Variants in SLC9C1 observed in about 807,000 individuals in gnomAD.
SLC9C1 encodes sodium/hydrogen exchanger 10.
SLC9C1 carries 97 observed loss-of-function variants against 140.9 expected under a neutral mutation model. That is an observed-to-expected ratio of 0.69 (90% CI 0.58 to 0.82). The LOEUF (loss-of-function observed/expected upper bound fraction) is 0.82, where lower values mean the gene tolerates loss of function less well. Ranked by LOEUF, SLC9C1 falls within the 40% of genes least tolerant of loss-of-function variation. SLC9C1 has a pLI of 0.00. For synonymous variants in SLC9C1, 440 were observed against 442.6 expected (o/e 0.99, Z 0.07); for missense variants, 1,340 against 1,389.3 (o/e 0.96, Z 0.56).
At chr3:112,151,770 C>T in intron 28 of SLC9C1, 87 bp downstream of exon 28, 1 of 941,518 alleles carries the variant, frequency 1.1e-6, no homozygotes, top group East Asian at 2.4e-5. Context: ...CACACTATCA[C>T]ATAAAGGGCA....
intron 13 of SLC9C1, among the ~76,000 whole-genome samples, chr3:112,221,970 A>C (rs959405774): frequency 6.6e-6 from 1 of 152,184 alleles, no homozygotes; most frequent in East Asian, 1.9e-4. Context: ...TTCTCTCTGC[A>C]TGATCAGTTT....
intron 12 of SLC9C1, among the ~76,000 whole-genome samples, chr3:112,239,332 A>T (rs1202144538): frequency 6.6e-6 from 1 of 152,178 alleles, no homozygotes; most frequent in Non-Finnish European, 1.5e-5. Flanking sequence ...GGAGTGACCC[A>T]ATTTTCGAGG....
In SLC9C1 at chr3:112,167,476, C is replaced by T. The variant is rs2077161500; in HGVS notation, c.3238-129G>A. 8.0e-6 allele frequency: 7 copies of T among 873,388 alleles called. No homozygotes were observed. The East Asian group carries it at 1.8e-4, about 22-fold the overall frequency. The allele number at this position is 873,388 out of a possible 1,614,324, so 54.1% of individuals were successfully genotyped here. On this transcript the variant is annotated intron_variant, in intron 25 of 28. Transcript: ENST00000305815. Reference sequence around the variant, plus strand: ...AATGGAAAATATTAACAAATCAACACAAATAAGATTAATATCTTAAAATAC... The same window carrying T: ...AATGGAAAATATTAACAAATCAACATAAATAAGATTAATATCTTAAAATAC...
intron 2 of SLC9C1, among the ~76,000 whole-genome samples, chr3:112,286,321 T>C (rs2080506863): frequency 6.6e-6 from 1 of 152,222 alleles, no homozygotes; most frequent in Non-Finnish European, 1.5e-5. Context: ...TTTTTGTTTA[T>C]ACCATGTTCT....
At chr3:112,279,029 C>A in intron 3 of SLC9C1, 172 bp from the exon 4 acceptor site, 1 of 539,804 alleles carries the variant, frequency 1.9e-6, no homozygotes. Context: ...TTGGCCATGG[C>A]TTATGTAGAA....
At position 112,167,260 on chromosome 3, in the gene SLC9C1, C is replaced by T. The variant is rs778076617; in HGVS notation, c.3325G>A (p.Val1109Ile). ...KTFRRNIRKF[V>I]PKHKSYLTPG... is the part of the protein sequence containing the mutation. ...GTAAGATAACTTTTATGTTTAGGAA[C>T]AAACTTTCTAATATTCCTTCTGAAT... Residue 1109 changes from valine (V) to isoleucine (I), a missense_variant, in exon 26 of 29, where the codon GTT becomes ATT. Val to Ile is a conservative substitution (Grantham distance 29, BLOSUM62 3). Coordinates refer to ENST00000305815, the MANE Select transcript of SLC9C1 (RefSeq NM_183061.3). The T allele has an allele frequency of 6.2e-7, 1 of 1,609,666 alleles. No homozygotes were observed. The highest frequency in any genetic ancestry group is 1.1e-5 in the South Asian group (1 of 90,438).
intron 26 of SLC9C1, among the ~76,000 whole-genome samples, chr3:112,164,664 C>CT (rs1388938788): frequency 6.6e-6 from 1 of 151,596 alleles, no homozygotes; most frequent in African/African-American, 2.4e-5. Flanking sequence ...ATGGGCTTCC[C>CT]TTTGTGGGTA....
intron 10 of SLC9C1, among the ~76,000 whole-genome samples, chr3:112,245,153 A>G (rs375122725): frequency 2.6e-5 from 4 of 152,224 alleles, no homozygotes; most frequent in East Asian, 1.9e-4. Context: ...TGCCAATTCT[A>G]AAATCTTCGT....
At chr3:112,282,836 G>A (rs1225408760) in intron 2 of SLC9C1, among the ~76,000 whole-genome samples, 1 of 152,106 alleles carries the variant, frequency 6.6e-6, no homozygotes, top group Non-Finnish European at 1.5e-5. Context: ...ACAAATTTTT[G>A]AAGTCTCCTT....
intron 6 of SLC9C1, 106 bp from the exon 7 acceptor site, chr3:112,270,183 T>C (rs1350726051): frequency 7.0e-6 from 8 of 1,149,168 alleles, no homozygotes; most frequent in Non-Finnish European, 9.5e-6. Context: ...TAAAATTAGC[T>C]AACTGCCACA....
Position 112,235,196 on chromosome 3 carries a change from TG to T in SLC9C1, c.1447-3711del, listed in dbSNP as rs1377535412. The stretch of plus-strand genomic sequence containing the variant: ...TCTTGAAGAGGTCCTTCACATCCCT[TG>T]TAAGTTGGATTCCTGGGTATTTTAT... On this transcript the variant is annotated intron_variant, in intron 12 of 28. Coordinates refer to ENST00000305815, the MANE Select transcript of SLC9C1 (RefSeq NM_183061.3). 2.1e-5 allele frequency among the ~76,000 whole-genome samples: 2 copies of T among 93,576 alleles called. 1 individual carries two copies. The highest frequency in any genetic ancestry group is 2.6e-4 in the Admixed American group (2 of 7,558). The allele number at this position is 93,576 out of a possible 152,430, so 61.4% of individuals were successfully genotyped here. A position where few individuals can be genotyped will look rare whatever the true frequency, so the allele number is the denominator to read the frequency against.
intron 13 of SLC9C1, among the ~76,000 whole-genome samples, chr3:112,230,514 C>T (rs2078791782): frequency 6.6e-6 from 1 of 152,210 alleles, no homozygotes; most frequent in African/African-American, 2.4e-5. Flanking sequence ...CCTCATGGCA[C>T]GGCCTCAATT....
At position 112,181,225 on chromosome 3, in the gene SLC9C1, C is replaced by T. The variant is rs141352992; in HGVS notation, c.2650-563G>A. On this transcript the variant is annotated intron_variant, in intron 21 of 28. Transcript: ENST00000305815. ...CAATTTTAGATAGGGTATTTATACA[C>T]GGATTAGAAAAGAAGTACTCTAGGA... 6.5e-3 allele frequency among the ~76,000 whole-genome samples: 983 copies of T among 151,992 alleles called. 3 individuals are homozygous for T. The highest frequency in any genetic ancestry group is 9.8e-3 in the Non-Finnish European group (663 of 67,984).
chr3:112,151,314 G>A (rs1231312851), intron 28 of SLC9C1: 2 of 518,380 alleles, frequency 3.9e-6, no homozygotes, highest in African/African-American at 3.9e-5. Context: ...GTTCCCCAAA[G>A]GTCTTGCTTT....
chr3:112,277,623 A>G (rs2080249983), intron 5 of SLC9C1, 72 bp downstream of exon 5: 1 of 1,304,884 alleles, frequency 7.7e-7, no homozygotes, highest in Admixed American at 2.8e-5. Context: ...ACCAAAAGCA[A>G]AAGATCTTAA....
intron 12 of SLC9C1, among the ~76,000 whole-genome samples, chr3:112,233,925 G>A (rs139395344): frequency 0.014 from 2,191 of 152,238 alleles, 55 homozygotes; most frequent in African/African-American, 0.05. Context: ...ATTGTGAATA[G>A]TGCCACAGTA....
intron 24 of SLC9C1, 45 bp from the exon 25 acceptor site, chr3:112,169,107 T>C: frequency 1.3e-6 from 2 of 1,570,946 alleles, no homozygotes; most frequent in South Asian, 1.2e-5. Context: ...GTCTATGAAG[T>C]TCAGTATATA....
intron 23 of SLC9C1, among the ~76,000 whole-genome samples, chr3:112,177,005 CT>C (rs57879370): frequency 1.3e-3 from 133 of 104,708 alleles, no homozygotes; most frequent in East Asian, 3.9e-3. Flanking sequence ...CTCTCTCTCT[CT>C]TTTTTTTTTT....
chr3:112,164,214 G>C (rs1204735799), intron 26 of SLC9C1, among the ~76,000 whole-genome samples: 4 of 151,548 alleles, frequency 2.6e-5, no homozygotes, highest in Non-Finnish European at 5.9e-5. Flanking sequence ...GATGGGTCTT[G>C]ACTCTTTATA....
Sources: allele counts gnomAD v4.1 joint callset (sites outside exome capture counted in the v4.1 genomes callset), GRCh38; gene constraint gnomAD v4.1.1; transcripts MANE v1.5; gene names NCBI Gene and HGNC (gene_info 2026-07-23, HGNC 2026-07-21).